The following ANGPT2 variants were observed in gnomAD, a reference collection of about 807,000 sequenced individuals.
The protein encoded by ANGPT2 is angiopoietin-2.
Under a neutral mutation model 62.9 loss-of-function variants are expected in ANGPT2, and 28 were observed. That is an observed-to-expected ratio of 0.44 (90% CI 0.33 to 0.61). ANGPT2 has a LOEUF of 0.61. ANGPT2 is among the 20% of genes least tolerant of loss of function. The pLI is 0.03. For missense variants in ANGPT2, 727 were observed against 594.9 expected, an observed-to-expected ratio of 1.22 and a Z score of -2.31; for synonymous variants, 284 against 207.8, an observed-to-expected ratio of 1.37 and a Z score of -3.15.
In ANGPT2 at chr8:6,516,900, C is replaced by T. The variant is rs556775272; in HGVS notation, c.928-2122G>A. 3.3e-5 allele frequency among the ~76,000 whole-genome samples: 5 copies of T among 152,292 alleles called. No individual in the cohort carries two copies. In the South Asian group the frequency reaches 1.0e-3, roughly 32 times the overall value. On this transcript the variant is annotated intron_variant, in intron 5 of 8. Coordinates refer to ENST00000629816, the MANE Select transcript of ANGPT2 (RefSeq NM_001118887.2). ...GCAAAACTCTTAAATGTCTGAGAGT[C>T]ACTGCCAGCACATAAATGATTTGAG... is the stretch of plus-strand genomic sequence containing the variant.
chr8:6,515,542 C>T (rs573530720), intron 5 of ANGPT2, among the ~76,000 whole-genome samples: 1 of 152,310 alleles, frequency 6.6e-6, no homozygotes, highest in South Asian at 2.1e-4. Flanking sequence ...TTGTCCAGAA[C>T]ACAGAATTCT....
chr8:6,544,709 C>T (rs1822235613), intron 1 of ANGPT2, among the ~76,000 whole-genome samples: 1 of 152,088 alleles, frequency 6.6e-6, no homozygotes, highest in Non-Finnish European at 1.5e-5. Flanking sequence ...AAATGGCACT[C>T]TAAGAAGGAA....
chr8:6,537,558 AT>A (rs1820733599), intron 1 of ANGPT2, among the ~76,000 whole-genome samples: 1 of 151,426 alleles, frequency 6.6e-6, no homozygotes, highest in Non-Finnish European at 1.5e-5. Context: ...ATATATATAT[AT>A]ATGTTTACAT....
chr8:6,547,869 G>A (rs1822890652), intron 1 of ANGPT2, among the ~76,000 whole-genome samples: 1 of 151,442 alleles, frequency 6.6e-6, no homozygotes, highest in Non-Finnish European at 1.5e-5. Flanking sequence ...TTGTTTCAGT[G>A]AGTCATCTTA....
chr8:6,499,660 A>G lies in ANGPT2; in HGVS notation c.*3441T>C, dbSNP rs376110421. Reference sequence around the variant, plus strand: ...CTTGTTATCGTGAGACTTTTTCTCAATCAACTTTTTATTAATATTCATAAC... The same window carrying G: ...CTTGTTATCGTGAGACTTTTTCTCAGTCAACTTTTTATTAATATTCATAAC... On this transcript the variant is annotated 3_prime_UTR_variant, in exon 9 of 9. Coordinates refer to ENST00000629816, the MANE Select transcript of ANGPT2 (RefSeq NM_001118887.2). The G allele has an allele frequency of 1.6e-5, 9 of 556,268 alleles. No homozygotes were observed. The highest frequency in any genetic ancestry group is 1.2e-4 in the East Asian group (4 of 33,450). The allele number at this position is 556,268 out of a possible 1,614,324, so 34.5% of individuals were successfully genotyped here.
At chr8:6,532,571 C>CA in intron 1 of ANGPT2, 84 bp from the exon 2 acceptor site, 2 of 654,994 alleles carry the variant, frequency 3.1e-6, no homozygotes, top group Non-Finnish European at 4.2e-6. Flanking sequence ...TCCTCCCTAT[C>CA]TTTAAAAAAA....
chr8:6,535,107 G>T (rs1224760983), intron 1 of ANGPT2, among the ~76,000 whole-genome samples: 1 of 152,130 alleles, frequency 6.6e-6, no homozygotes, highest in Non-Finnish European at 1.5e-5. Context: ...TTACAAAGTG[G>T]TATAAATAAA....
At chr8:6,541,673 T>C (rs375137518) in intron 1 of ANGPT2, among the ~76,000 whole-genome samples, 20 of 152,258 alleles carry the variant, frequency 1.3e-4, no homozygotes, top group African/African-American at 4.3e-4. Context: ...CCTACAGAGA[T>C]AGAAGAAAAT....
chr8:6,525,242 C>A (rs1818115205), intron 3 of ANGPT2, among the ~76,000 whole-genome samples: 1 of 152,106 alleles, frequency 6.6e-6, no homozygotes, highest in African/African-American at 2.4e-5. Flanking sequence ...TGTATTCCAG[C>A]CCCCTGATCG....
intron 1 of ANGPT2, among the ~76,000 whole-genome samples, chr8:6,550,966 C>T (rs1823543191): frequency 6.6e-6 from 1 of 152,206 alleles, no homozygotes; most frequent in African/African-American, 2.4e-5. Flanking sequence ...TCTCTGACTG[C>T]TGTCCTAATA....
rs137939903 is a variant in ANGPT2 at position 6,528,919 on chromosome 8, C to T, written c.445-1243G>A. On this transcript the variant is annotated intron_variant, in intron 2 of 8. Transcript: ENST00000629816. ...CTGTGAGAATAAAGTCCTTGGCCAA[C>T]GTAAGGTTTTGTTTGGGTTTTAATA... 7.9e-5 allele frequency among the ~76,000 whole-genome samples: 12 copies of T among 152,278 alleles called. No homozygotes were observed. The East Asian group carries it at 1.9e-3, about 24-fold the overall frequency.
At chr8:6,551,193 G>C (rs564064719) in intron 1 of ANGPT2, among the ~76,000 whole-genome samples, 2 of 152,116 alleles carry the variant, frequency 1.3e-5, no homozygotes, top group African/African-American at 4.8e-5. Flanking sequence ...GATAGAGAAA[G>C]GGTCCTAGTT....
chr8:6,521,239 C>T lies in ANGPT2; in HGVS notation c.738G>A (p.Lys246=). ...CTGTCTCCATGAGATCATGTTGCTG[C>T]TTCTGAAGAACTGAATTATTCACCG... ...TATVNNSVLQ[K]QQHDLMETVN... Residue 246 remains lysine (K), a synonymous_variant, in exon 4 of 9, where the codon AAG becomes AAA. Coordinates refer to ENST00000629816, the MANE Select transcript of ANGPT2 (RefSeq NM_001118887.2). The T allele has an allele frequency of 1.2e-6, 2 of 1,613,908 alleles. No homozygotes were observed. The highest frequency in any genetic ancestry group is 2.2e-5 in the East Asian group (1 of 44,814).
intron 8 of ANGPT2, among the ~76,000 whole-genome samples, chr8:6,505,898 CAT>C (rs1427615666): frequency 4.6e-5 from 5 of 107,694 alleles, no homozygotes; most frequent in South Asian, 3.1e-4. Context: ...TATATAAAAA[CAT>C]ACATATTCTT....
At chr8:6,540,871 G>A (rs188137936) in intron 1 of ANGPT2, among the ~76,000 whole-genome samples, 314 of 152,354 alleles carry the variant, frequency 2.1e-3, no homozygotes, top group African/African-American at 7.2e-3. Context: ...GGCCACCGCC[G>A]CGCTGGCTGG....
intron 1 of ANGPT2, among the ~76,000 whole-genome samples, chr8:6,559,889 C>T (rs1306693524): frequency 6.6e-6 from 1 of 152,196 alleles, no homozygotes; most frequent in Non-Finnish European, 1.5e-5. Flanking sequence ...TTAACTACTA[C>T]ACAGTGAGTA....
rs1204517402 is a variant in ANGPT2, at chr8:6,562,825, T to A, written c.110A>T (p.Gln37Leu). The A allele has an allele frequency of 2.5e-6, 4 of 1,614,048 alleles. No individual in the cohort carries two copies. The highest frequency in any genetic ancestry group is 3.4e-6 in the Non-Finnish European group (4 of 1,180,002). The change falls in exon 1 of 9, where the codon CAG becomes CTG. Residue 37 changes from glutamine (Q) to leucine (L), a missense_variant. Transcript: ENST00000629816. Reference protein sequence around the residue: ...DSIGKKQYQVQHGSCSYTFLL... With the variant: ...DSIGKKQYQVLHGSCSYTFLL... ...GAAAGTGTAGCTGCAGGACCCATGC[T>A]GGACCTGATATTGCTTCTTTCCTAT...
At chr8:6,524,981 T>C (rs1361322841) in intron 3 of ANGPT2, among the ~76,000 whole-genome samples, 1 of 152,254 alleles carries the variant, frequency 6.6e-6, no homozygotes, top group African/African-American at 2.4e-5. Context: ...TGCATGTCTG[T>C]CTAGGTGAAT....
chr8:6,518,536 C>G (rs1257079604), intron 5 of ANGPT2, among the ~76,000 whole-genome samples: 1 of 152,152 alleles, frequency 6.6e-6, no homozygotes, highest in Non-Finnish European at 1.5e-5. Context: ...CAATATTTAT[C>G]TTTTCCGTTC....
Sources: allele counts gnomAD v4.1 joint callset (sites outside exome capture counted in the v4.1 genomes callset), GRCh38; gene constraint gnomAD v4.1.1; transcripts MANE v1.5; gene names NCBI Gene and HGNC (gene_info 2026-07-23, HGNC 2026-07-21).